CNGB3: variants seen among roughly 807,000 people sequenced by gnomAD.
CNGB3 encodes the protein cyclic nucleotide gated channel subunit beta 3.
In CNGB3, 86 loss-of-function variants were observed where a neutral mutation model predicts 92.8. The ratio of observed to expected loss-of-function variants is 0.93; its 90% CI spans 0.78 to 1.11. CNGB3 has a LOEUF of 1.11. Ranked by LOEUF, CNGB3 falls within the 50% of genes least tolerant of loss-of-function variation. CNGB3 has a pLI of 0.00. For synonymous variants in CNGB3, 333 were observed against 332.7 expected (o/e 1.00, Z -0.01); for missense variants, 1,026 against 956.8 (o/e 1.07, Z -0.95).
At chr8:86,733,131 C>A (rs2131677746) in intron 2 of CNGB3, among the ~76,000 whole-genome samples, 1 of 152,120 alleles carries the variant, frequency 6.6e-6, no homozygotes, top group East Asian at 1.9e-4. Flanking sequence ...ATCTATTGTT[C>A]CCATCTTTAT....
chr8:86,640,415 A>G (rs1823158563), intron 10 of CNGB3, among the ~76,000 whole-genome samples: 1 of 152,086 alleles, frequency 6.6e-6, no homozygotes, highest in Admixed American at 6.6e-5. Context: ...TGCCATTCCA[A>G]GAAATCAGGA....
chr8:86,725,794 A>G (rs144505777), intron 3 of CNGB3, among the ~76,000 whole-genome samples: 54 of 152,316 alleles, frequency 3.5e-4, no homozygotes, highest in Non-Finnish European at 6.3e-4. Flanking sequence ...TTTATAAGTG[A>G]CAACTCTTTT....
At chr8:86,671,493 C>A (rs1823861673) in intron 3 of CNGB3, among the ~76,000 whole-genome samples, 1 of 152,150 alleles carries the variant, frequency 6.6e-6, no homozygotes, top group Admixed American at 6.5e-5. Flanking sequence ...GGTTTTATTC[C>A]CATCAGTAGT....
intron 3 of CNGB3, among the ~76,000 whole-genome samples, chr8:86,678,471 A>G (rs867182981): frequency 1.3e-5 from 2 of 152,198 alleles, no homozygotes; most frequent in African/African-American, 4.8e-5. Context: ...CAGTTTGTAC[A>G]TATGGTAATG....
chr8:86,671,061 C>T lies in CNGB3; in HGVS notation c.376G>A (p.Glu126Lys), dbSNP rs1823852194. 6.2e-7 allele frequency: 1 copy of T among 1,613,698 alleles called. No individual in the cohort carries two copies. Among genetic ancestry groups the T allele is most frequent in the South Asian group, 1.1e-5 (1 of 91,066 alleles). Reference sequence around the variant, plus strand: ...TTGTGTAGCTGGGCATCGGCATACTCATTTATAACAGGAGCTGCAGGCGGT... The same window carrying T: ...TTGTGTAGCTGGGCATCGGCATACTTATTTATAACAGGAGCTGCAGGCGGT... Reference protein sequence around the residue: ...NKPPAAPVINEYADAQLHNLV... With the variant: ...NKPPAAPVINKYADAQLHNLV... Residue 126 changes from glutamate to lysine, a missense_variant, in exon 4 of 18, where the codon GAG (glutamate) becomes AAG (lysine). By Grantham distance (56) the Glu-to-Lys change is moderately conservative. Coordinates refer to ENST00000320005, the MANE Select transcript of CNGB3 (RefSeq NM_019098.5).
intron 17 of CNGB3, 33 bp downstream of exon 17, chr8:86,578,656 C>T (rs755963522): frequency 1.4e-5 from 22 of 1,610,402 alleles, no homozygotes; most frequent in Non-Finnish European, 1.9e-5. Flanking sequence ...GGGCCTTCTC[C>T]ATGACAGCCG....
At chr8:86,692,074 C>A (rs879514405) in intron 3 of CNGB3, among the ~76,000 whole-genome samples, 8 of 152,166 alleles carry the variant, frequency 5.3e-5, no homozygotes, top group Non-Finnish European at 8.8e-5. Context: ...TTTTATTCCA[C>A]TGTGGTCTGA....
chr8:86,599,508 C>T (rs1326471773), intron 15 of CNGB3, among the ~76,000 whole-genome samples: 1 of 152,182 alleles, frequency 6.6e-6, no homozygotes, highest in Non-Finnish European at 1.5e-5. Flanking sequence ...AGCCATATTT[C>T]TCTTCTTTCA....
At chr8:86,714,572 A>G (rs1433705825) in intron 3 of CNGB3, among the ~76,000 whole-genome samples, 2 of 152,202 alleles carry the variant, frequency 1.3e-5, no homozygotes, top group Admixed American at 1.3e-4. Context: ...ACAGAACAGC[A>G]TATGGAGACT....
At chr8:86,606,822 G>A (rs73271544) in intron 14 of CNGB3, among the ~76,000 whole-genome samples, 3,620 of 152,206 alleles carry the variant, frequency 0.024, 148 homozygotes, top group African/African-American at 0.081. Context: ...AGGTGACAGC[G>A]CCAGAACTAG....
chr8:86,693,081 T>A (rs1824351483), intron 3 of CNGB3, among the ~76,000 whole-genome samples: 1 of 152,192 alleles, frequency 6.6e-6, no homozygotes, highest in African/African-American at 2.4e-5. Context: ...CTTGCAGGGT[T>A]CCTACTGAGA....
rs547740090 is a variant in CNGB3, at chr8:86,640,509, A to G, written c.1178+3242T>C. ...GGAAGTCCCCTCTACTTTAACCTTT[A>G]GAGGGAAAGTAACTTTGAAATGACC... is the stretch of plus-strand genomic sequence containing the variant. On this transcript the variant is annotated intron_variant, in intron 10 of 17. Coordinates refer to ENST00000320005, the MANE Select transcript of CNGB3 (RefSeq NM_019098.5). 3.3e-5 allele frequency among the ~76,000 whole-genome samples: 5 copies of G among 152,190 alleles called. No individual in the cohort carries two copies. In the South Asian group the frequency reaches 1.0e-3, roughly 32 times the overall value.
intron 12 of CNGB3, among the ~76,000 whole-genome samples, chr8:86,626,873 T>C (rs2131581084): frequency 6.6e-6 from 1 of 152,196 alleles, no homozygotes; most frequent in East Asian, 1.9e-4. Flanking sequence ...GTATTTTAAG[T>C]TCTGGGGTAC....
intron 3 of CNGB3, among the ~76,000 whole-genome samples, chr8:86,671,328 T>C (rs756612905): frequency 5.9e-5 from 9 of 152,218 alleles, no homozygotes; most frequent in Non-Finnish European, 1.0e-4. Flanking sequence ...CTCTTGACCA[T>C]ATTGGATCTT....
At chr8:86,611,731 T>C (rs1461058473) in intron 13 of CNGB3, 60 bp from the exon 14 acceptor site, 43 of 1,175,892 alleles carry the variant, frequency 3.7e-5, no homozygotes, top group Non-Finnish European at 5.5e-5. Context: ...TCCAAATGAA[T>C]TCAAAACTCA....
Position 86,743,087 on chromosome 8 carries a change from C to T in CNGB3, c.129+412G>A, listed in dbSNP as rs534979113. On this transcript the variant is annotated intron_variant, in intron 1 of 17. Transcript: ENST00000320005. ...CCAAATGTCCCTTGAGTGGTAAAATCGCTCTCAATTGAGAGCCAATAGGTT... is the reference window on the plus strand; with the variant it reads ...CCAAATGTCCCTTGAGTGGTAAAATTGCTCTCAATTGAGAGCCAATAGGTT... 9.9e-5 allele frequency among the ~76,000 whole-genome samples: 15 copies of T among 152,202 alleles called. No homozygotes were observed. The South Asian group carries it at 1.9e-3, about 19-fold the overall frequency.
chr8:86,618,047 C>T (rs1822650979), intron 13 of CNGB3, among the ~76,000 whole-genome samples: 1 of 152,118 alleles, frequency 6.6e-6, no homozygotes. Context: ...TGAGGAATTA[C>T]CAGGCATTAG....
At chr8:86,671,530 G>C (rs1322928762) in intron 3 of CNGB3, among the ~76,000 whole-genome samples, 1 of 152,182 alleles carries the variant, frequency 6.6e-6, no homozygotes, top group Non-Finnish European at 1.5e-5. Context: ...AGTTGATAAG[G>C]AGATTATATA....
intron 2 of CNGB3, among the ~76,000 whole-genome samples, chr8:86,735,232 T>G (rs536932689): frequency 7.2e-6 from 1 of 138,048 alleles, no homozygotes; most frequent in South Asian, 2.4e-4. Context: ...AAGCTCCGCT[T>G]CCAGGGTTCA....
Sources: gnomAD v4.1 joint callset for allele counts (sites outside exome capture counted in the v4.1 genomes callset) on GRCh38, gnomAD v4.1.1 for gene constraint, MANE v1.5 for transcripts, NCBI Gene and HGNC (gene_info 2026-07-23, HGNC 2026-07-21) for gene names.